The following DMD variants were observed in gnomAD, a reference collection of about 807,000 sequenced individuals.
DMD encodes the protein dystrophin.
A neutral mutation model predicts 330.1 loss-of-function variants in DMD; 63 were observed. The ratio of observed to expected loss-of-function variants is 0.19; its 90% CI spans 0.16 to 0.24. DMD has a LOEUF of 0.24. Among genes scored for constraint, DMD ranks in the 10% least tolerant of loss-of-function variants. The pLI is 1.00. For missense variants in DMD, 3,344 were observed against 2,684.1 expected, an observed-to-expected ratio of 1.25 and a Z score of -5.43; for synonymous variants, 1,223 against 959.8, an observed-to-expected ratio of 1.27 and a Z score of -5.07.
intron 1 of DMD, among the ~76,000 whole-genome samples, chrX:33,319,254 T>C (rs1260043662): frequency 9.0e-6 from 1 of 110,987 alleles, no homozygotes; most frequent in Non-Finnish European, 1.9e-5. Context: ...CCCAGTTTAT[T>C]ATTTATTTTT....
chrX:33,176,035 G>A (rs1377701974), intron 1 of DMD, among the ~76,000 whole-genome samples: 1 of 111,111 alleles, frequency 9.0e-6, no homozygotes, highest in Non-Finnish European at 1.9e-5. Context: ...AGATTAAGTG[G>A]CTGAACCGGC....
chrX:32,849,881 G>A (rs1243815592), intron 2 of DMD, 61 bp from the exon 3 acceptor site: 19 of 842,794 alleles, frequency 2.3e-5, no homozygotes, highest in Middle Eastern at 5.6e-4. Flanking sequence ...ACATTTTCAC[G>A]ATTATCCCCT....
intron 59 of DMD, among the ~76,000 whole-genome samples, chrX:31,466,199 A>G (rs1028242860): frequency 2.1e-4 from 23 of 112,003 alleles, no homozygotes; most frequent in African/African-American, 6.8e-4. Flanking sequence ...CCATTTGTCA[A>G]TTTTGGCTTT....
intron 44 of DMD, among the ~76,000 whole-genome samples, chrX:32,017,363 T>G (rs747411354): frequency 3.6e-5 from 4 of 112,270 alleles, no homozygotes; most frequent in Non-Finnish European, 5.6e-5. Context: ...CAAAGTATTA[T>G]GAATGTTTTA....
intron 30 of DMD, among the ~76,000 whole-genome samples, chrX:32,407,308 G>A (rs1569561433): frequency 9.0e-6 from 1 of 111,552 alleles, no homozygotes; most frequent in Non-Finnish European, 1.9e-5. Context: ...ATCAACAAGT[G>A]GGTGAAGGAT....
intron 1 of DMD, among the ~76,000 whole-genome samples, chrX:33,057,497 G>A (rs917915662): frequency 9.8e-5 from 11 of 112,127 alleles, no homozygotes; most frequent in African/African-American, 1.6e-4. Context: ...AGTTGAATGC[G>A]TACTTAATAA....
At chrX:33,103,300 G>A (rs2095256194) in intron 1 of DMD, among the ~76,000 whole-genome samples, 1 of 111,296 alleles carries the variant, frequency 9.0e-6, no homozygotes, top group African/African-American at 3.3e-5. Context: ...CCCAAGCTAA[G>A]CCATCATATC....
chrX:31,174,035 CTAGA>C lies in DMD; in HGVS notation c.10263-435_10263-432del, dbSNP rs768617322. The stretch of plus-strand genomic sequence containing the variant: ...TATTGGATCAAAGCTGTATATCTGC[CTAGA>C]TACTTACAATTATTTTAGCTTCAAA... On this transcript the variant is annotated intron_variant, in intron 71 of 78. Transcript: ENST00000357033. Among the ~76,000 whole-genome samples, 406 of 111,577 alleles carry C rather than the reference CTAGA, an allele frequency of 3.6e-3. 2 individuals carry two copies. The highest frequency in any genetic ancestry group is 0.012 in the African/African-American group (378 of 30,805).
intron 54 of DMD, among the ~76,000 whole-genome samples, chrX:31,636,898 T>C (rs980296043): frequency 8.9e-6 from 1 of 111,922 alleles, no homozygotes; most frequent in Non-Finnish European, 1.9e-5. Context: ...TAATCGAATA[T>C]TTTAATTCTT....
At chrX:32,504,300 T>C (rs868296568) in intron 18 of DMD, among the ~76,000 whole-genome samples, 38 of 112,184 alleles carry the variant, frequency 3.4e-4, no homozygotes, top group African/African-American at 1.2e-3. Flanking sequence ...AAATTCACTT[T>C]AAAATTTCAA....
rs748131321 is a variant in DMD, at chrX:32,345,918, T to C, written c.5586+25A>G. 3.3e-6 allele frequency: 4 copies of C among 1,204,571 alleles called. No individual in the cohort carries two copies. In the East Asian group the frequency reaches 8.9e-5, roughly 27 times the overall value. On this transcript the variant is annotated intron_variant, in intron 39 of 78. Coordinates refer to ENST00000357033, the MANE Select transcript of DMD (RefSeq NM_004006.3). ...TATTAAAAAAAAACCACAGGCAAGG[T>C]ATATTATAATTTTAGCTCTAATACC...
At chrX:32,698,142 A>C in intron 8 of DMD, 144 bp from the exon 9 acceptor site, 1 of 637,044 alleles carries the variant, frequency 1.6e-6, no homozygotes, top group Non-Finnish European at 2.3e-6. Flanking sequence ...ACATATATAA[A>C]TGATATTCGA....
intron 1 of DMD, among the ~76,000 whole-genome samples, chrX:33,284,555 A>T (rs2053398463): frequency 9.4e-6 from 1 of 106,801 alleles, no homozygotes; most frequent in South Asian, 4.2e-4. Flanking sequence ...GCTTACACAA[A>T]CCTTCATAAT....
chrX:31,739,741 C>T (rs1452181206), intron 51 of DMD, among the ~76,000 whole-genome samples: 1 of 106,816 alleles, frequency 9.4e-6, no homozygotes, highest in Non-Finnish European at 1.9e-5. Flanking sequence ...CAAACCTGCA[C>T]GTTCTGCACA....
intron 63 of DMD, among the ~76,000 whole-genome samples, chrX:31,239,669 C>T (rs957578500): frequency 1.8e-5 from 2 of 111,748 alleles, no homozygotes; most frequent in Non-Finnish European, 3.8e-5. Context: ...TGACAAACAT[C>T]TGACTGGAAA....
intron 55 of DMD, among the ~76,000 whole-genome samples, chrX:31,618,546 A>T (rs1215271218): frequency 8.9e-6 from 1 of 112,182 alleles, no homozygotes; most frequent in Non-Finnish European, 1.9e-5. Flanking sequence ...TTTCTATTAG[A>T]TGAGTGATTT....
chrX:32,771,606 A>G (rs1044228243), intron 7 of DMD, among the ~76,000 whole-genome samples: 2 of 111,162 alleles, frequency 1.8e-5, no homozygotes, highest in African/African-American at 3.3e-5. Flanking sequence ...TGTCTTTGCA[A>G]TATTTTCAGT....
chrX:32,500,507 C>T (rs1457098545), intron 19 of DMD, among the ~76,000 whole-genome samples: 2 of 111,256 alleles, frequency 1.8e-5, no homozygotes, highest in Non-Finnish European at 3.8e-5. Context: ...TGACATGAGA[C>T]CATTTAAAGT....
intron 1 of DMD, among the ~76,000 whole-genome samples, chrX:33,101,020 A>G (rs2148371680): frequency 8.9e-6 from 1 of 112,161 alleles, no homozygotes; most frequent in South Asian, 3.7e-4. Context: ...GCCATGTGAC[A>G]AGTGTGGGAC....
Sources: allele counts gnomAD v4.1 joint callset (sites outside exome capture counted in the v4.1 genomes callset), GRCh38; gene constraint gnomAD v4.1.1; transcripts MANE v1.5; gene names NCBI Gene and HGNC (gene_info 2026-07-23, HGNC 2026-07-21).